The following ZFHX3 variants were observed in gnomAD, a reference collection of about 807,000 sequenced individuals.
The protein encoded by ZFHX3 is zinc finger homeobox 3, also known as zinc finger homeobox protein 3.
ZFHX3 carries 42 observed loss-of-function variants against 279.1 expected under a neutral mutation model. The ratio of observed to expected loss-of-function variants is 0.15; its 90% CI spans 0.12 to 0.19. The LOEUF (loss-of-function observed/expected upper bound fraction) is 0.19. Ranked by LOEUF, ZFHX3 falls within the 10% of genes least tolerant of loss-of-function variation. The probability of loss-of-function intolerance (pLI) is 1.00; values close to 1 mark genes in which losing one functional copy is unlikely to be tolerated. For synonymous variants in ZFHX3, 2,293 were observed against 1,957.8 expected (o/e 1.17, Z -4.52); for missense variants, 4,981 against 4,754.0 (o/e 1.05, Z -1.40).
intron 1 of ZFHX3, among the ~76,000 whole-genome samples, chr16:73,850,384 G>T (rs892505633): frequency 6.6e-6 from 1 of 152,142 alleles, no homozygotes; most frequent in African/African-American, 2.4e-5. Context: ...TTAAAGTTAG[G>T]CTTGCTGGAT....
intron 1 of ZFHX3, among the ~76,000 whole-genome samples, chr16:73,044,915 C>G (rs776818064): frequency 6.6e-6 from 1 of 152,208 alleles, no homozygotes; most frequent in Non-Finnish European, 1.5e-5. Context: ...GCCACCATGC[C>G]TGGCCAAAAG....
rs2038930723 is a variant in ZFHX3, at chr16:72,897,596, A to G, written c.3217-7634T>C. On this transcript the variant is annotated intron_variant, in intron 3 of 9. Transcript: ENST00000268489. ...GCTGGGACTATAGGTGCGTGCCATC[A>G]TGCCTGGCTAATTTTTAAATTTTTT... Among the ~76,000 whole-genome samples the G allele has an allele frequency of 3.3e-5, 5 of 152,138 alleles. 1 individual carries two copies. Among genetic ancestry groups the G allele is most frequent in the Admixed American group, 2.6e-4 (4 of 15,286 alleles).
At chr16:73,662,103 G>C (rs183515571) in intron 2 of ZFHX3, among the ~76,000 whole-genome samples, 1 of 151,674 alleles carries the variant, frequency 6.6e-6, no homozygotes, top group Admixed American at 6.6e-5. Context: ...TGACAGCTGA[G>C]CTGCACTCTC....
At chr16:73,334,988 T>C (rs1250427097) in intron 3 of ZFHX3, among the ~76,000 whole-genome samples, 1 of 151,984 alleles carries the variant, frequency 6.6e-6, no homozygotes, top group Non-Finnish European at 1.5e-5. Context: ...GCTCTATTCA[T>C]GGCCAAATTT....
At chr16:73,675,365 T>C (rs1398277523) in intron 2 of ZFHX3, among the ~76,000 whole-genome samples, 2 of 152,088 alleles carry the variant, frequency 1.3e-5, no homozygotes, top group African/African-American at 4.8e-5. Flanking sequence ...AAATGTAAGA[T>C]AAAAATTATC....
intron 2 of ZFHX3, among the ~76,000 whole-genome samples, chr16:73,647,987 G>GA (rs1169913362): frequency 6.6e-6 from 1 of 152,120 alleles, no homozygotes. Flanking sequence ...GATCTGCTTA[G>GA]AAAAATGTTA....
intron 1 of ZFHX3, among the ~76,000 whole-genome samples, chr16:73,726,491 G>A (rs1212641349): frequency 6.6e-6 from 1 of 152,188 alleles, no homozygotes; most frequent in Admixed American, 6.5e-5. Flanking sequence ...GATGTTTAAA[G>A]CTATCTGTAG....
intron 3 of ZFHX3, among the ~76,000 whole-genome samples, chr16:73,365,169 C>A (rs1344452947): frequency 3.3e-5 from 5 of 152,230 alleles, no homozygotes; most frequent in African/African-American, 1.2e-4. Context: ...TGTGGAGAGA[C>A]CTCCGGTACT....
At chr16:73,682,916 GAGAGAAAGAGAAAGAAAGAAAGAAAGAA>G (rs2053032903) in intron 1 of ZFHX3, among the ~76,000 whole-genome samples, 1 of 29,896 alleles carries the variant, frequency 3.3e-5, no homozygotes, top group African/African-American at 1.0e-4. Flanking sequence ...GAGAAAGAAA[GAGAGAAAGAGAAAGAAAGAAAGAAAGAA>G]AGAAAGAAAG....
intron 2 of ZFHX3, among the ~76,000 whole-genome samples, chr16:73,534,091 T>C (rs2019853185): frequency 2.0e-5 from 3 of 152,180 alleles, no homozygotes; most frequent in Admixed American, 2.0e-4. Flanking sequence ...TAAAAGCCCA[T>C]GTTCTTACAA....
intron 4 of ZFHX3, among the ~76,000 whole-genome samples, chr16:73,317,852 G>A (rs913071556): frequency 1.3e-5 from 2 of 152,198 alleles, no homozygotes; most frequent in African/African-American, 4.8e-5. Flanking sequence ...TGGGCCCAGA[G>A]AATTCCAGTC....
At chr16:73,078,733 C>G (rs1232409280) in intron 8 of ZFHX3, among the ~76,000 whole-genome samples, 1 of 152,032 alleles carries the variant, frequency 6.6e-6, no homozygotes, top group Non-Finnish European at 1.5e-5. Flanking sequence ...CAAGCTCCGC[C>G]TCCTGGGTTC....
chr16:73,537,473 C>T (rs781182121), intron 2 of ZFHX3, among the ~76,000 whole-genome samples: 2 of 152,110 alleles, frequency 1.3e-5, no homozygotes, highest in South Asian at 2.1e-4. Context: ...CGTGCTGCCA[C>T]GCCCGGCTAA....
chr16:73,628,969 G>C (rs2052443115), intron 2 of ZFHX3, among the ~76,000 whole-genome samples: 1 of 152,134 alleles, frequency 6.6e-6, no homozygotes, highest in Non-Finnish European at 1.5e-5. Context: ...GTGTGTGGCT[G>C]TATAAATCCT....
intron 3 of ZFHX3, among the ~76,000 whole-genome samples, chr16:73,434,283 A>G (rs2017960244): frequency 6.6e-6 from 1 of 152,186 alleles, no homozygotes; most frequent in Non-Finnish European, 1.5e-5. Context: ...GCCCTTAGTA[A>G]ATACAAGAGG....
At chr16:72,840,554 G>A (rs1173934831) in intron 4 of ZFHX3, among the ~76,000 whole-genome samples, 2 of 152,156 alleles carry the variant, frequency 1.3e-5, no homozygotes, top group South Asian at 2.1e-4. Flanking sequence ...TCTGACCATC[G>A]AAACAAATGG....
At chr16:72,994,749 G>A (rs1489292908) in intron 1 of ZFHX3, among the ~76,000 whole-genome samples, 1 of 152,248 alleles carries the variant, frequency 6.6e-6, no homozygotes, top group Non-Finnish European at 1.5e-5. Flanking sequence ...AACAGAACCA[G>A]TGCTCAGCAC....
intron 1 of ZFHX3, among the ~76,000 whole-genome samples, chr16:73,717,797 G>A (rs969126868): frequency 2.0e-5 from 3 of 152,224 alleles, no homozygotes; most frequent in South Asian, 2.1e-4. Flanking sequence ...AGTGATAGCC[G>A]CTTAAGATTT....
intron 3 of ZFHX3, among the ~76,000 whole-genome samples, chr16:72,914,122 C>T (rs1033953200): frequency 6.6e-6 from 1 of 152,220 alleles, no homozygotes; most frequent in Non-Finnish European, 1.5e-5. Context: ...GACCTCTCTG[C>T]TATCCTGCTT....
Sources: gnomAD v4.1 joint callset for allele counts (sites outside exome capture counted in the v4.1 genomes callset) on GRCh38, gnomAD v4.1.1 for gene constraint, MANE v1.5 for transcripts, NCBI Gene and HGNC (gene_info 2026-07-23, HGNC 2026-07-21) for gene names.